SLC12A6: variants seen among roughly 807,000 people sequenced by gnomAD.
SLC12A6 encodes the protein solute carrier family 12 member 6.
Under a neutral mutation model 135.3 loss-of-function variants are expected in SLC12A6, and 66 were observed. The ratio of observed to expected loss-of-function variants is 0.49; its 90% confidence interval spans 0.40 to 0.60. The LOEUF (loss-of-function observed/expected upper bound fraction) is 0.60. Among genes scored for constraint, SLC12A6 ranks in the 20% least tolerant of loss-of-function variants. The pLI, the probability that SLC12A6 is intolerant of heterozygous loss-of-function variation, is 0.00. For missense variants in SLC12A6, 1,058 were observed against 1,452.3 expected, an observed-to-expected ratio of 0.73 and a Z score of 4.41; for synonymous variants, 513 against 508.8, an observed-to-expected ratio of 1.01 and a Z score of -0.11.
At chr15:34,332,682 C>T (rs1889930169) in intron 2 of SLC12A6, among the ~76,000 whole-genome samples, 1 of 151,848 alleles carries the variant, frequency 6.6e-6, no homozygotes, top group Non-Finnish European at 1.5e-5. Flanking sequence ...ACTTGGGAGG[C>T]TGAGGCTGGA....
chr15:34,229,909 T>TAAGA lies in SLC12A6; in HGVS notation c.*3971_*3972insTCTT, dbSNP rs758152820. 8.3e-6 allele frequency: 6 copies of TAAGA among 722,070 alleles called. No individual in the cohort carries two copies. Among genetic ancestry groups the TAAGA allele is most frequent in the African/African-American group, 2.1e-5 (1 of 47,504 alleles). 44.7% of individuals were successfully genotyped at this position (722,070 alleles called of 1,614,324 possible). A position where few individuals can be genotyped will look rare whatever the true frequency, so the allele number is the denominator to read the frequency against. ...CTTATGTTAAAAAGAACCAAAAGAC[T>TAAGA]CTTTTCTCCATGGTGGGGTGACAGG... On this transcript the variant is annotated 3_prime_UTR_variant, in exon 26 of 26. Coordinates refer to ENST00000354181, the MANE Select transcript of SLC12A6 (RefSeq NM_001365088.1).
At position 34,232,203 on chromosome 15, in the gene SLC12A6, G is replaced by A. The variant is rs1271984843; in HGVS notation, c.*1678C>T. On this transcript the variant is annotated 3_prime_UTR_variant, in exon 26 of 26. Coordinates refer to ENST00000354181, the MANE Select transcript of SLC12A6 (RefSeq NM_001365088.1). ...TGATCAGTATATTAGTAAATAAAAA[G>A]CTGAGCTTACACAAGTATTTCCTTG... 6.6e-6 allele frequency: 1 copy of A among 152,128 alleles called. No individual in the cohort carries two copies. Among genetic ancestry groups the A allele is most frequent in the African/African-American group, 2.4e-5 (1 of 41,414 alleles). 9.4% of individuals were successfully genotyped at this position (152,128 alleles called of 1,614,324 possible).
intron 2 of SLC12A6, 133 bp downstream of exon 2, chr15:34,336,277 C>T: frequency 1.3e-6 from 1 of 783,252 alleles, no homozygotes; most frequent in South Asian, 1.5e-5. Context: ...AAGCATCTCA[C>T]AAAGAGATGC....
intron 1 of SLC12A6, 87 bp from the exon 2 acceptor site, chr15:34,336,839 T>C: frequency 1.5e-6 from 1 of 672,552 alleles, no homozygotes; most frequent in Non-Finnish European, 2.6e-6. Context: ...AGAATACTTC[T>C]ACTCAGAATT....
At chr15:34,282,412 A>G (rs1894750291) in intron 2 of SLC12A6, among the ~76,000 whole-genome samples, 1 of 152,184 alleles carries the variant, frequency 6.6e-6, no homozygotes, top group African/African-American at 2.4e-5. Context: ...TATGATATAC[A>G]CTTTGGGAAA....
chr15:34,335,768 T>C (rs917605025), intron 2 of SLC12A6, among the ~76,000 whole-genome samples: 4 of 152,164 alleles, frequency 2.6e-5, no homozygotes, highest in African/African-American at 9.7e-5. Flanking sequence ...CATCAGACTT[T>C]CCATCTAAAG....
At chr15:34,286,648 T>A (rs168335) in intron 2 of SLC12A6, among the ~76,000 whole-genome samples, 52,341 of 151,504 alleles carry the variant, frequency 0.35, 11,113 homozygotes, top group African/African-American at 0.61. Context: ...TACAAAAAAT[T>A]AGCTGGGTGT....
rs577294118 is a variant in SLC12A6, at chr15:34,335,308, T to C, written c.271+1102A>G. 2.0e-5 allele frequency among the ~76,000 whole-genome samples: 3 copies of C among 152,288 alleles called. No homozygotes were observed. The East Asian group carries it at 5.8e-4, about 29-fold the overall frequency. On this transcript the variant is annotated intron_variant, in intron 2 of 25. Transcript: ENST00000354181. ...TTACCAAATCTACCTTGTCTCCAGA[T>C]ACTAAAAACACAAACAGAATTAGGG...
chr15:34,295,963 G>A (rs936140458), intron 2 of SLC12A6, among the ~76,000 whole-genome samples: 1 of 152,174 alleles, frequency 6.6e-6, no homozygotes, highest in African/African-American at 2.4e-5. Flanking sequence ...TCACGCCATT[G>A]TACTCCAGCC....
chr15:34,295,969 C>T (rs1458727627), intron 2 of SLC12A6, among the ~76,000 whole-genome samples: 2 of 152,164 alleles, frequency 1.3e-5, no homozygotes, highest in Non-Finnish European at 2.9e-5. Context: ...CATTGTACTC[C>T]AGCCTGGGTG....
chr15:34,293,684 A>C (rs1453218200), intron 2 of SLC12A6, among the ~76,000 whole-genome samples: 1 of 152,234 alleles, frequency 6.6e-6, no homozygotes, highest in Non-Finnish European at 1.5e-5. Context: ...ACTGCAGCCT[A>C]AACCTCCCAG....
At chr15:34,290,523 C>T (rs568326096) in intron 2 of SLC12A6, among the ~76,000 whole-genome samples, 5 of 152,274 alleles carry the variant, frequency 3.3e-5, no homozygotes, top group African/African-American at 1.2e-4. Flanking sequence ...AGTTCAGTTC[C>T]TGGATATCCT....
At chr15:34,313,612 T>C (rs347861) in intron 2 of SLC12A6, among the ~76,000 whole-genome samples, 60,308 of 152,062 alleles carry the variant, frequency 0.4, 15,022 homozygotes, top group African/African-American at 0.72. Flanking sequence ...GGTGGCTTCA[T>C]TAAACAACAC....
At chr15:34,277,901 T>C (rs1894406429) in intron 2 of SLC12A6, among the ~76,000 whole-genome samples, 1 of 152,236 alleles carries the variant, frequency 6.6e-6, no homozygotes, top group Non-Finnish European at 1.5e-5. Context: ...ATCATACTAC[T>C]GCCCAAAGAA....
At chr15:34,308,883 A>C (rs944755406) in intron 2 of SLC12A6, among the ~76,000 whole-genome samples, 1 of 152,210 alleles carries the variant, frequency 6.6e-6, no homozygotes, top group East Asian at 1.9e-4. Flanking sequence ...CAGAAAACAC[A>C]AATAATTACA....
intron 2 of SLC12A6, among the ~76,000 whole-genome samples, chr15:34,333,386 C>T (rs534412681): frequency 3.3e-5 from 5 of 152,078 alleles, no homozygotes; most frequent in African/African-American, 4.8e-5. Flanking sequence ...CACGCCGTCA[C>T]GCCTGGCTAA....
chr15:34,236,497 A>G (rs1314303508), intron 23 of SLC12A6, among the ~76,000 whole-genome samples: 1 of 152,106 alleles, frequency 6.6e-6, no homozygotes, highest in Non-Finnish European at 1.5e-5. Flanking sequence ...GGCATGTGCC[A>G]CCATGCCCGG....
intron 2 of SLC12A6, among the ~76,000 whole-genome samples, chr15:34,329,071 T>C (rs1047096040): frequency 6.6e-6 from 1 of 152,212 alleles, no homozygotes; most frequent in African/African-American, 2.4e-5. Context: ...CAAACTTTCA[T>C]ACCTACTCCT....
intron 22 of SLC12A6, 63 bp from the exon 23 acceptor site, chr15:34,236,878 ATTT>A: frequency 1.1e-6 from 1 of 926,816 alleles, no homozygotes; most frequent in Non-Finnish European, 1.8e-6. Flanking sequence ...TGAACCATAC[ATTT>A]TTATTTCCAG....
Sources: allele counts gnomAD v4.1 joint callset (sites outside exome capture counted in the v4.1 genomes callset), GRCh38; gene constraint gnomAD v4.1.1; transcripts MANE v1.5; gene names NCBI Gene and HGNC (gene_info 2026-07-23, HGNC 2026-07-21).